The following DIPK1C variants were observed in gnomAD, a reference collection of about 807,000 sequenced individuals.
DIPK1C encodes the protein familial non-conventional Alzheimer's dementia.
In DIPK1C, 33 loss-of-function variants were observed where a neutral mutation model predicts 28.0. That is an observed-to-expected ratio of 1.18 (90% CI 0.89 to 1.58). The LOEUF (loss-of-function observed/expected upper bound fraction) is 1.58, where lower values mean the gene tolerates loss of function less well. Ranked by LOEUF, DIPK1C falls within the 40% of genes most tolerant of loss-of-function variation. DIPK1C has a pLI of 0.00. For missense variants in DIPK1C, 569 were observed against 568.5 expected (o/e 1.00, Z -0.01); for synonymous variants, 255 against 248.8 (o/e 1.02, Z -0.23).
upstream of DIPK1C, among the ~76,000 whole-genome samples, chr18:74,459,957 C>T (rs1459661985): frequency 2.6e-5 from 4 of 152,198 alleles, no homozygotes; most frequent in African/African-American, 9.7e-5. Flanking sequence ...GTCACAGGGG[C>T]CAGTCAGGCA....
chr18:74,450,121 G>C (rs1242396411), intron 1 of DIPK1C, among the ~76,000 whole-genome samples: 1 of 152,032 alleles, frequency 6.6e-6, no homozygotes, highest in African/African-American at 2.4e-5. Context: ...GGAACAGTAA[G>C]GGCTGTTCAT....
chr18:74,436,815 TC>T, intron 3 of DIPK1C, 96 bp from the exon 4 acceptor site: 1 of 1,177,098 alleles, frequency 8.5e-7, no homozygotes, highest in Non-Finnish European at 1.2e-6. Context: ...TTTCAGCTTC[TC>T]TCCCACCCCC....
At chr18:74,437,290 C>A (rs1568260596) in intron 3 of DIPK1C, among the ~76,000 whole-genome samples, 1 of 152,192 alleles carries the variant, frequency 6.6e-6, no homozygotes, top group African/African-American at 2.4e-5. Context: ...GCATATTTGA[C>A]AGAAAAGACT....
At chr18:74,449,972 A>T (rs1460347577) in intron 1 of DIPK1C, among the ~76,000 whole-genome samples, 1 of 152,126 alleles carries the variant, frequency 6.6e-6, no homozygotes, top group Non-Finnish European at 1.5e-5. Flanking sequence ...TTTGCTTGCG[A>T]TCACCTCCAC....
At chr18:74,456,508 C>T (rs1986515674) in intron 1 of DIPK1C, among the ~76,000 whole-genome samples, 1 of 152,342 alleles carries the variant, frequency 6.6e-6, no homozygotes, top group African/African-American at 2.4e-5. Context: ...ACCGCGACCG[C>T]GGAGAGCCTG....
At chr18:74,452,202 C>T (rs143700132) in intron 1 of DIPK1C, among the ~76,000 whole-genome samples, 3 of 152,170 alleles carry the variant, frequency 2.0e-5, no homozygotes, top group Non-Finnish European at 2.9e-5. Context: ...AGTCAGGGAC[C>T]GTCTGTATAC....
intron 3 of DIPK1C, among the ~76,000 whole-genome samples, chr18:74,440,032 C>T (rs1312129193): frequency 6.6e-6 from 1 of 151,494 alleles, no homozygotes; most frequent in South Asian, 2.1e-4. Context: ...GCAAGCTCCG[C>T]CTCCCGGGTT....
intron 3 of DIPK1C, among the ~76,000 whole-genome samples, chr18:74,437,397 T>C (rs919683096): frequency 6.6e-6 from 1 of 152,204 alleles, no homozygotes; most frequent in Non-Finnish European, 1.5e-5. Flanking sequence ...GGGTATGAAA[T>C]TCAGTGATGC....
chr18:74,461,344 T>TTTCCTTCC (rs35281614), upstream of DIPK1C, among the ~76,000 whole-genome samples: 3,306 of 118,410 alleles, frequency 0.028, 62 homozygotes, highest in East Asian at 0.051. Context: ...TCCTTCCTTC[T>TTTCCTTCC]TTCCTTCCTT....
At chr18:74,445,694 C>A (rs1986243729) in intron 2 of DIPK1C, among the ~76,000 whole-genome samples, 1 of 152,238 alleles carries the variant, frequency 6.6e-6, no homozygotes, top group African/African-American at 2.4e-5. Context: ...CTAAGCTGGT[C>A]TGGCCGTTCA....
intron 1 of DIPK1C, among the ~76,000 whole-genome samples, chr18:74,449,822 C>A (rs1387158049): frequency 6.6e-6 from 1 of 152,170 alleles, no homozygotes; most frequent in East Asian, 1.9e-4. Context: ...AGTTGTGCAC[C>A]TCCTGTGTTC....
At chr18:74,453,881 A>G (rs540705921) in intron 1 of DIPK1C, among the ~76,000 whole-genome samples, 3 of 152,200 alleles carry the variant, frequency 2.0e-5, no homozygotes, top group African/African-American at 7.2e-5. Context: ...CAAATACTTC[A>G]TAGAGGTTGT....
rs964384056 is a variant in DIPK1C, at chr18:74,447,653, C to T, written c.199-370G>A. ...GGCCAGTAGCTCTCGACTCTGCCTACACTTCAGGGTCACTGGGAGAGCTTC... is the reference window on the plus strand; with the variant it reads ...GGCCAGTAGCTCTCGACTCTGCCTATACTTCAGGGTCACTGGGAGAGCTTC... On this transcript the variant is annotated intron_variant, in intron 1 of 3. Transcript: ENST00000343998. This position sits in a 1 kb window ranked among gnomAD's most constrained non-coding sequence, Gnocchi z 4.1. Among the ~76,000 whole-genome samples the T allele has an allele frequency of 6.6e-6, 1 of 152,180 alleles. No homozygotes were observed. The highest frequency in any genetic ancestry group is 2.4e-5 in the African/African-American group (1 of 41,448).
chr18:74,446,260 T>C (rs1304399291), intron 2 of DIPK1C, among the ~76,000 whole-genome samples: 1 of 152,172 alleles, frequency 6.6e-6, no homozygotes, highest in East Asian at 1.9e-4. Context: ...GCGGACTGTT[T>C]TCCGCACAAG....
chr18:74,461,378 T>TCC (rs2144539163), upstream of DIPK1C, among the ~76,000 whole-genome samples: 1 of 147,298 alleles, frequency 6.8e-6, no homozygotes. Context: ...CTTCCTTCCT[T>TCC]TCTTCCTTCC....
chr18:74,461,344 T>TTTCC (rs35281614), upstream of DIPK1C, among the ~76,000 whole-genome samples: 3,000 of 118,440 alleles, frequency 0.025, 41 homozygotes, highest in Non-Finnish European at 0.033. Flanking sequence ...TCCTTCCTTC[T>TTTCC]TTCCTTCCTT....
chr18:74,443,584 A>T (rs1986192923), intron 2 of DIPK1C, among the ~76,000 whole-genome samples: 1 of 152,202 alleles, frequency 6.6e-6, no homozygotes, highest in Non-Finnish European at 1.5e-5. Context: ...AGTAGGGGGA[A>T]TTATTTATTT....
At chr18:74,458,489 G>A (rs1986566556), upstream of DIPK1C, among the ~76,000 whole-genome samples, 1 of 152,018 alleles carries the variant, frequency 6.6e-6, no homozygotes, top group Admixed American at 6.6e-5. Flanking sequence ...TTGTTTTATG[G>A]CTGGCTCGGT....
upstream of DIPK1C, among the ~76,000 whole-genome samples, chr18:74,461,596 T>C (rs1207135382): frequency 6.6e-6 from 1 of 152,122 alleles, no homozygotes; most frequent in Non-Finnish European, 1.5e-5. Context: ...CTCAAACTCC[T>C]GGGCTCAAGC....
Sources: allele counts gnomAD v4.1 joint callset (sites outside exome capture counted in the v4.1 genomes callset), GRCh38; gene constraint gnomAD v4.1.1; non-coding constraint Gnocchi (gnomAD v3.1); transcripts MANE v1.5; gene names NCBI Gene and HGNC (gene_info 2026-07-23, HGNC 2026-07-21).